IGDCC4: variants seen among roughly 807,000 people sequenced by gnomAD.
The protein encoded by IGDCC4 is likely ortholog of mouse neighbor of Punc E11.
Under a neutral mutation model 116.6 loss-of-function variants are expected in IGDCC4, and 72 were observed. That is an observed-to-expected ratio of 0.62 (90% CI 0.51 to 0.75). IGDCC4 has a LOEUF of 0.75. Among genes scored for constraint, IGDCC4 ranks in the 30% least tolerant of loss-of-function variants. The pLI is 0.00. For missense variants in IGDCC4, 1,501 were observed against 1,662.4 expected (o/e 0.90, Z 1.69); for synonymous variants, 709 against 719.9 (o/e 0.98, Z 0.24).
At position 65,411,404 on chromosome 15, in the gene IGDCC4, A is replaced by G. The variant is rs1206961135; in HGVS notation, c.71-34T>C. ...AGGAGGAGCACGGGGCCATCAGTGT[A>G]TGTCCCCCCACCTCCCACAGCCTCT... On this transcript the variant is annotated intron_variant, in intron 1 of 19. Transcript: ENST00000352385. The G allele has an allele frequency of 2.7e-6, 4 of 1,493,764 alleles. No individual in the cohort carries two copies. In the African/African-American group the frequency reaches 5.6e-5, roughly 21 times the overall value. The allele number at this position is 1,493,764 out of a possible 1,614,324, so 92.5% of individuals were successfully genotyped here.
chr15:65,397,082 A>G, intron 5 of IGDCC4, 93 bp from the exon 6 acceptor site: 2 of 1,432,706 alleles, frequency 1.4e-6, no homozygotes, highest in Non-Finnish European at 1.9e-6. Flanking sequence ...CACCCGGATA[A>G]AGCAAACACA....
chr15:65,400,405 A>G (rs530461563), intron 5 of IGDCC4, among the ~76,000 whole-genome samples: 468 of 152,302 alleles, frequency 3.1e-3, no homozygotes, highest in Non-Finnish European at 5.1e-3. Flanking sequence ...GCACGGACCA[A>G]CAGAGGGGTC....
Position 65,402,431 on chromosome 15 carries a change from G to A in IGDCC4, c.620C>T (p.Ala207Val), listed in dbSNP as rs775900229. The A allele has an allele frequency of 3.4e-5, 53 of 1,567,026 alleles. No individual in the cohort carries two copies. The highest frequency in any genetic ancestry group is 4.5e-5 in the Non-Finnish European group (52 of 1,155,174). Residue 207 changes from alanine to valine, a missense_variant, in exon 4 of 20, where the codon GCA becomes GTA. Ala to Val is a moderately conservative substitution (Grantham distance 64). Transcript: ENST00000352385. ...LQILDVQESD[A>V]GPYRCVATNS... ...GGTGGCCACGCAGCGGTAGGGGCCT[G>A]CATCACTCTCCTGAACATCCAGGAT...
chr15:65,387,262 AGT>A (rs1321631695), intron 16 of IGDCC4, among the ~76,000 whole-genome samples: 1 of 152,080 alleles, frequency 6.6e-6, no homozygotes, highest in African/African-American at 2.4e-5. Flanking sequence ...CCTGGCCTCA[AGT>A]GATCCTCTCA....
chr15:65,398,359 C>A (rs946903752), intron 5 of IGDCC4, among the ~76,000 whole-genome samples: 2 of 150,288 alleles, frequency 1.3e-5, no homozygotes, highest in East Asian at 2.0e-4. Context: ...CATGGCAAAA[C>A]CCCATCTCTA....
chr15:65,387,776 A>G (rs2091473371), intron 16 of IGDCC4, among the ~76,000 whole-genome samples: 1 of 151,450 alleles, frequency 6.6e-6, no homozygotes, highest in Non-Finnish European at 1.5e-5. Context: ...CACCAAGTTA[A>G]TCCTCCAATC....
intron 17 of IGDCC4, 102 bp downstream of exon 17, chr15:65,386,449 G>A (rs2091459413): frequency 1.0e-6 from 1 of 954,124 alleles, no homozygotes; most frequent in Non-Finnish European, 1.6e-6. Flanking sequence ...GGGGCTCCTG[G>A]GAGTGCCAAG....
intron 3 of IGDCC4, among the ~76,000 whole-genome samples, chr15:65,406,011 C>T (rs2063038206): frequency 6.6e-6 from 1 of 152,204 alleles, no homozygotes. Context: ...CAAGGGGATA[C>T]TGGCTGGAAG....
chr15:65,396,721 G>T, intron 6 of IGDCC4, 113 bp downstream of exon 6: 1 of 1,350,506 alleles, frequency 7.4e-7, no homozygotes, highest in Non-Finnish European at 1.0e-6. Flanking sequence ...CCCTGAGTTC[G>T]TCCTCCAGGA....
chr15:65,396,891 C>T lies in IGDCC4; in HGVS notation c.940G>A (p.Ala314Thr). Residue 314 changes from alanine to threonine, a missense_variant, in exon 6 of 20, where the codon GCC (alanine) becomes ACC (threonine). Ala to Thr is a moderately conservative substitution (Grantham distance 58). Coordinates refer to ENST00000352385, the MANE Select transcript of IGDCC4 (RefSeq NM_020962.3). The part of the protein sequence containing the change: ...PWHSGVYVCR[A>T]NKPRTRDFAT... ...AAGTCGCGCGTGCGGGGCTTGTTGG[C>T]GCGGCAGACATAGACGCCGGAGTGC... is the stretch of plus-strand genomic sequence containing the variant. 1.3e-6 allele frequency: 2 copies of T among 1,576,034 alleles called. No individual in the cohort carries two copies. The highest frequency in any genetic ancestry group is 1.7e-6 in the Non-Finnish European group (2 of 1,160,874).
chr15:65,396,040 G>T lies in IGDCC4; in HGVS notation c.1121C>A (p.Pro374Gln). Residue 374 changes from proline (P) to glutamine (Q), a missense_variant, in exon 7 of 20, where the codon CCG becomes CAG. Around this residue, in one of 3 missense-constraint regions of IGDCC4, gnomAD observed 898 missense variants for 978.9 expected, o/e 0.92. Transcript: ENST00000352385. ...PALRWLHNGA[P>Q]LRPNGRVKVQ... ...CTTGACGCGCCCGTTGGGCCGCAGC[G>T]GCGCCCCGTTGTGCAGCCAGCGCAG... 2 of 1,458,760 alleles carry T rather than the reference G, an allele frequency of 1.4e-6. No individual in the cohort carries two copies. Among genetic ancestry groups the T allele is most frequent in the Non-Finnish European group, 9.0e-7 (1 of 1,110,676 alleles). 90.4% of individuals were successfully genotyped at this position (1,458,760 alleles called of 1,614,324 possible).
chr15:65,401,055 A>G, intron 4 of IGDCC4, 109 bp from the exon 5 acceptor site: 1 of 1,409,852 alleles, frequency 7.1e-7, no homozygotes, highest in South Asian at 1.2e-5. Context: ...GACAGCAGCA[A>G]TGATTCCATC....
At chr15:65,416,750 C>T (rs1392449840) in intron 1 of IGDCC4, among the ~76,000 whole-genome samples, 2 of 152,312 alleles carry the variant, frequency 1.3e-5, no homozygotes, top group African/African-American at 4.8e-5. Context: ...TCAATCTCCT[C>T]AGTGAGACCC....
At chr15:65,421,781 C>T (rs2063193431) in intron 1 of IGDCC4, among the ~76,000 whole-genome samples, 1 of 151,994 alleles carries the variant, frequency 6.6e-6, no homozygotes, top group Non-Finnish European at 1.5e-5. Context: ...CAGCCCATCC[C>T]CCTCCCAGCC....
intron 5 of IGDCC4, among the ~76,000 whole-genome samples, chr15:65,400,277 G>A (rs1038108970): frequency 2.6e-5 from 4 of 152,214 alleles, no homozygotes; most frequent in African/African-American, 7.2e-5. Context: ...CTCACTAGAC[G>A]ATGAGTTCAG....
Position 65,422,929 on chromosome 15 carries a change from G to T in IGDCC4, c.-67C>A. ...TGCTTCGGCCGCCGCCGCGGGGGGA[G>T]AGCGCGCCGGGCGTCAGTGGCCCGG... On this transcript the variant is annotated 5_prime_UTR_variant, in exon 1 of 20. Coordinates refer to ENST00000352385, the MANE Select transcript of IGDCC4 (RefSeq NM_020962.3). 1.0e-6 allele frequency: 1 copy of T among 957,666 alleles called. No individual in the cohort carries two copies. Among genetic ancestry groups the T allele is most frequent in the South Asian group, 4.7e-5 (1 of 21,362 alleles). The allele number at this position is 957,666 out of a possible 1,614,324, so 59.3% of individuals were successfully genotyped here.
chr15:65,389,635 G>A (rs950415942), intron 13 of IGDCC4, among the ~76,000 whole-genome samples: 1 of 152,176 alleles, frequency 6.6e-6, no homozygotes, highest in Non-Finnish European at 1.5e-5. Context: ...CTTCCTCCAG[G>A]AAACCTTCCT....
rs2091439765 is a variant in IGDCC4, at chr15:65,385,018, A to G, written c.3278T>C (p.Leu1093Pro). ...AGPRPALTRA[L>P]LPPAGTGQTL... is the part of the protein sequence containing the mutation. The stretch of plus-strand genomic sequence containing the variant: ...CTGCCCAGTTCCAGCAGGGGGCAGC[A>G]GGGCCCGGGTCAGAGCCGGCCGGGG... Residue 1093 changes from leucine to proline, a missense_variant, in exon 19 of 20, where the codon CTG becomes CCG. Physicochemically the swap from Leu to Pro is moderately conservative, Grantham distance 98 (BLOSUM62 -3). Coordinates refer to ENST00000352385, the MANE Select transcript of IGDCC4 (RefSeq NM_020962.3). 1 of 1,609,582 alleles carries G rather than the reference A, an allele frequency of 6.2e-7. No individual in the cohort carries two copies. The highest frequency in any genetic ancestry group is 2.2e-5 in the East Asian group (1 of 44,548).
chr15:65,403,307 A>G (rs2140221348), intron 3 of IGDCC4, among the ~76,000 whole-genome samples: 1 of 152,294 alleles, frequency 6.6e-6, no homozygotes, highest in East Asian at 1.9e-4. Flanking sequence ...GTTTGGGGAC[A>G]TGTAGGCTTC....
Sources: allele counts gnomAD v4.1 joint callset (sites outside exome capture counted in the v4.1 genomes callset), GRCh38; gene constraint gnomAD v4.1.1; regional missense constraint gnomAD v4.1.1; transcripts MANE v1.5; gene names NCBI Gene and HGNC (gene_info 2026-07-23, HGNC 2026-07-21).